Variants in UBE2E2 observed in about 807,000 individuals in gnomAD.
UBE2E2 encodes ubiquitin conjugating enzyme E2 E2.
A neutral mutation model predicts 24.7 loss-of-function variants in UBE2E2; 6 were observed. The observed-to-expected ratio is 0.24, with a 90% CI of 0.13 to 0.48. UBE2E2 has a LOEUF of 0.48. Ranked by LOEUF, UBE2E2 falls within the 20% of genes least tolerant of loss-of-function variation. The probability of loss-of-function intolerance (pLI) is 0.99; values close to 1 mark genes in which losing one functional copy is unlikely to be tolerated. For synonymous variants in UBE2E2, 104 were observed against 83.6 expected, an observed-to-expected ratio of 1.24 and a Z score of -1.33; for missense variants, 169 against 245.0, an observed-to-expected ratio of 0.69 and a Z score of 2.07.
intron 3 of UBE2E2, among the ~76,000 whole-genome samples, chr3:23,273,073 A>G (rs1698289597): frequency 6.6e-6 from 1 of 152,162 alleles, no homozygotes; most frequent in African/African-American, 2.4e-5. Flanking sequence ...TCACAGACAC[A>G]CTTGGAATAA....
intron 1 of UBE2E2, among the ~76,000 whole-genome samples, chr3:23,204,351 T>G (rs1353276809): frequency 1.3e-5 from 2 of 152,166 alleles, no homozygotes; most frequent in African/African-American, 4.8e-5. Flanking sequence ...TAGACCCATT[T>G]GCATGTTTTC....
At chr3:23,468,629 G>T (rs775526173) in intron 3 of UBE2E2, among the ~76,000 whole-genome samples, 2 of 152,190 alleles carry the variant, frequency 1.3e-5, no homozygotes, top group Non-Finnish European at 2.9e-5. Flanking sequence ...TTCTCTACTT[G>T]CATGACATTA....
intron 3 of UBE2E2, among the ~76,000 whole-genome samples, chr3:23,438,861 G>C (rs1698237396): frequency 6.6e-6 from 1 of 152,112 alleles, no homozygotes; most frequent in Non-Finnish European, 1.5e-5. Context: ...ATGATTGTCA[G>C]GTTACCACCA....
chr3:23,309,877 G>T (rs1387331515), intron 3 of UBE2E2, among the ~76,000 whole-genome samples: 2 of 152,108 alleles, frequency 1.3e-5, no homozygotes, highest in African/African-American at 2.4e-5. Flanking sequence ...TCGTGACATG[G>T]TGGTTGGCTT....
chr3:23,333,671 A>G (rs1695127423), intron 3 of UBE2E2, among the ~76,000 whole-genome samples: 1 of 152,216 alleles, frequency 6.6e-6, no homozygotes, highest in East Asian at 1.9e-4. Flanking sequence ...GACAGTATTT[A>G]TAATCTTGTG....
chr3:23,237,962 TA>T (rs1437181363), intron 3 of UBE2E2, among the ~76,000 whole-genome samples: 1 of 152,192 alleles, frequency 6.6e-6, no homozygotes, highest in Non-Finnish European at 1.5e-5. Flanking sequence ...TTTTCCGCTT[TA>T]GTTTGTCTTT....
At chr3:23,429,985 A>G (rs1698019482) in intron 3 of UBE2E2, among the ~76,000 whole-genome samples, 1 of 152,162 alleles carries the variant, frequency 6.6e-6, no homozygotes, top group Non-Finnish European at 1.5e-5. Flanking sequence ...GGTTCAAGCA[A>G]TCCTCCCACC....
chr3:23,272,531 G>A (rs967648210), intron 3 of UBE2E2, among the ~76,000 whole-genome samples: 1 of 152,222 alleles, frequency 6.6e-6, no homozygotes, highest in Non-Finnish European at 1.5e-5. Flanking sequence ...GAGAGCGAGC[G>A]AGGGCCGCCA....
At chr3:23,508,269 C>T (rs552092455) in intron 4 of UBE2E2, among the ~76,000 whole-genome samples, 1 of 152,320 alleles carries the variant, frequency 6.6e-6, no homozygotes, top group East Asian at 1.9e-4. Flanking sequence ...TGTCCAGCCA[C>T]CACCTACAAT....
chr3:23,535,101 T>C (rs1284715775), intron 5 of UBE2E2, among the ~76,000 whole-genome samples: 1 of 152,232 alleles, frequency 6.6e-6, no homozygotes, highest in Admixed American at 6.5e-5. Flanking sequence ...AGATGTAGAT[T>C]TGAAAACCAG....
intron 1 of UBE2E2, chr3:23,204,860 G>T: frequency 1.4e-6 from 1 of 692,964 alleles, no homozygotes; most frequent in Non-Finnish European, 1.8e-6. Flanking sequence ...AGAATTAAAC[G>T]CTTTCCTGTT....
chr3:23,335,051 T>C (rs771422947), intron 3 of UBE2E2, among the ~76,000 whole-genome samples: 20 of 152,234 alleles, frequency 1.3e-4, no homozygotes, highest in Non-Finnish European at 2.4e-4. Context: ...ATGAGTACCA[T>C]TCCTAAATAA....
At position 23,459,319 on chromosome 3, in the gene UBE2E2, C is replaced by A. The variant is rs1218467475; in HGVS notation, c.228-40289C>A. On this transcript the variant is annotated intron_variant, in intron 3 of 5. Transcript: ENST00000396703. ...TTTTTAATTTCATAAACATTCTTCT[C>A]ATTGACAAGGCAGATGTGACTAAAA... Among the ~76,000 whole-genome samples, 6 of 152,170 alleles carry A rather than the reference C, an allele frequency of 3.9e-5. No individual in the cohort carries two copies. The East Asian group carries it at 1.2e-3, about 29-fold the overall frequency.
intron 3 of UBE2E2, among the ~76,000 whole-genome samples, chr3:23,249,198 G>C (rs1697503285): frequency 6.6e-6 from 1 of 151,928 alleles, no homozygotes; most frequent in African/African-American, 2.4e-5. Flanking sequence ...TTTGAGCCTG[G>C]GAGGCGGAAG....
intron 3 of UBE2E2, among the ~76,000 whole-genome samples, chr3:23,479,612 C>G (rs1699211705): frequency 6.6e-6 from 1 of 152,098 alleles, no homozygotes; most frequent in South Asian, 2.1e-4. Flanking sequence ...GTCCCAAGTT[C>G]TTGTTCCACA....
At chr3:23,493,206 A>G (rs1193606846) in intron 3 of UBE2E2, among the ~76,000 whole-genome samples, 5 of 152,222 alleles carry the variant, frequency 3.3e-5, no homozygotes, top group Admixed American at 6.5e-5. Context: ...TCTTGGTCTT[A>G]GAATCACAGG....
Position 23,361,301 on chromosome 3 carries a change from A to T in UBE2E2, c.228-138307A>T, listed in dbSNP as rs190451325. On this transcript the variant is annotated intron_variant, in intron 3 of 5. Coordinates refer to ENST00000396703, the MANE Select transcript of UBE2E2 (RefSeq NM_152653.4). ...TTAAAGAACTCAAAGTAGAACTACT[A>T]TTTGATCCAGCAGTTCCATTACTGG... 8.5e-5 allele frequency among the ~76,000 whole-genome samples: 13 copies of T among 152,358 alleles called. 1 individual carries two copies. Among genetic ancestry groups the T allele is most frequent in the Admixed American group, 8.5e-4 (13 of 15,306 alleles).
chr3:23,552,796 T>G (rs138047033), intron 5 of UBE2E2, among the ~76,000 whole-genome samples: 1 of 152,316 alleles, frequency 6.6e-6, no homozygotes, highest in Non-Finnish European at 1.5e-5. Context: ...ATTCAAGGCT[T>G]TGAACAGGCA....
chr3:23,428,418 C>T (rs1349606733), intron 3 of UBE2E2, among the ~76,000 whole-genome samples: 1 of 152,080 alleles, frequency 6.6e-6, no homozygotes, highest in Non-Finnish European at 1.5e-5. Flanking sequence ...AAATTTAAAG[C>T]ATTGAATGCA....
Sources: allele counts gnomAD v4.1 joint callset (sites outside exome capture counted in the v4.1 genomes callset), GRCh38; gene constraint gnomAD v4.1.1; transcripts MANE v1.5; gene names NCBI Gene and HGNC (gene_info 2026-07-23, HGNC 2026-07-21).